The following ZNF345 variants were observed in gnomAD, a reference collection of about 807,000 sequenced individuals.
ZNF345 encodes zinc finger protein HZF10.
For synonymous variants in ZNF345, 166 were observed against 187.9 expected (o/e 0.88, Z 0.95); for missense variants, 527 against 589.9 (o/e 0.89, Z 1.10).
chr19:36,876,183 C>CA (rs1338454590), intron 2 of ZNF345, among the ~76,000 whole-genome samples: 2 of 152,204 alleles, frequency 1.3e-5, no homozygotes, highest in Non-Finnish European at 2.9e-5. Context: ...ATTCTAACCA[C>CA]AGATGAATCT....
intron 2 of ZNF345, among the ~76,000 whole-genome samples, chr19:36,875,170 T>G (rs777030691): frequency 3.6e-4 from 54 of 152,092 alleles, no homozygotes; most frequent in Non-Finnish European, 5.7e-4. Context: ...CAAACAAATA[T>G]GAAAAATTTA....
In ZNF345 at chr19:36,893,021, T is replaced by G. The variant is rs1022782920; in HGVS notation, c.*22T>G. On this transcript the variant is annotated 3_prime_UTR_variant, in exon 4 of 4. Transcript: ENST00000526123. ...CTAATTATATACACGTTCATAAACA[T>G]ATGCTCACATGCACAGAGTATGATA... 7.9e-5 allele frequency: 32 copies of G among 404,776 alleles called. 1 individual carries two copies. The Admixed American group carries it at 9.6e-4, about 12-fold the overall frequency. The allele number at this position is 404,776 out of a possible 1,614,324, so 25.1% of individuals were successfully genotyped here.
intron 2 of ZNF345, among the ~76,000 whole-genome samples, chr19:36,869,424 A>G (rs1287979934): frequency 6.6e-6 from 1 of 152,152 alleles, no homozygotes; most frequent in Admixed American, 6.5e-5. Context: ...AGGAAGCCCC[A>G]CTGAACTTTG....
Position 36,878,214 on chromosome 19 carries a change from G to A in ZNF345, c.1384G>A (p.Ala462Thr). 3.7e-6 allele frequency: 6 copies of A among 1,613,178 alleles called. No individual in the cohort carries two copies. Among genetic ancestry groups the A allele is most frequent in the Non-Finnish European group, 3.4e-6 (4 of 1,179,748 alleles). ...TTATGAATGTAAGAACTGTGGGAAG[G>A]CTTATGGGAGGGATTCAGAGTTTCA... Reference protein sequence around the residue: ...KLYECKNCGKAYGRDSEFQQH... With the variant: ...KLYECKNCGKTYGRDSEFQQH... Residue 462 changes from alanine (A) to threonine (T), a missense_variant, in exon 3 of 3, where the codon GCT (alanine) becomes ACT (threonine). Transcript: ENST00000420450.
Position 36,877,698 on chromosome 19 carries a change from G to A in ZNF345, c.868G>A (p.Glu290Lys), listed in dbSNP as rs1426214767. Reference sequence around the variant, plus strand: ...TGGTGAGAAACCTTATGTATGTAAGGAATGTGGGAAGGCTTTTAATAGTGG... The same window carrying A: ...TGGTGAGAAACCTTATGTATGTAAGAAATGTGGGAAGGCTTTTAATAGTGG... ...HTGEKPYVCKECGKAFNSGSD... is the reference protein window; with the variant it reads ...HTGEKPYVCKKCGKAFNSGSD... The change falls in exon 3 of 3, where the codon GAA becomes AAA. Residue 290 changes from glutamate to lysine, a missense_variant. Transcript: ENST00000420450. 3.7e-6 allele frequency: 6 copies of A among 1,614,024 alleles called. No individual in the cohort carries two copies. The highest frequency in any genetic ancestry group is 5.1e-6 in the Non-Finnish European group (6 of 1,180,022).
intron 2 of ZNF345, among the ~76,000 whole-genome samples, chr19:36,873,900 A>G (rs548783814): frequency 3.3e-5 from 5 of 151,938 alleles, no homozygotes; most frequent in Non-Finnish European, 5.9e-5. Flanking sequence ...GGTTATTTTC[A>G]TGTCTTGGCT....
chr19:36,859,934 T>A (rs2146142432), intron 2 of ZNF345, among the ~76,000 whole-genome samples: 1 of 151,996 alleles, frequency 6.6e-6, no homozygotes, highest in South Asian at 2.1e-4. Flanking sequence ...CTGTACCATT[T>A]AAGACTAAGT....
chr19:36,885,212 T>C (rs990321219), intron 3 of ZNF345, among the ~76,000 whole-genome samples: 1 of 151,884 alleles, frequency 6.6e-6, no homozygotes, highest in South Asian at 2.1e-4. Flanking sequence ...ATAACTATTA[T>C]ATAGTTATAT....
Position 36,877,253 on chromosome 19 carries a change from T to C in ZNF345, c.423T>C (p.Thr141=). The change falls in exon 3 of 3, where the codon ACT becomes ACC. Residue 141 remains threonine, a synonymous_variant. Coordinates refer to ENST00000420450, the MANE Select transcript of ZNF345 (RefSeq NM_001242472.2). ...SNLTHHQRIH[T]GEKPYECKEC... is the part of the protein sequence containing the mutation. ...TTACTCACCATCAGAGAATTCATAC[T>C]GGTGAGAAACCCTATGAGTGTAAGG... is the stretch of plus-strand genomic sequence containing the variant. The C allele has an allele frequency of 6.2e-7, 1 of 1,614,114 alleles. No individual in the cohort carries two copies. The highest frequency in any genetic ancestry group is 8.5e-7 in the Non-Finnish European group (1 of 1,179,988).
intron 2 of ZNF345, among the ~76,000 whole-genome samples, chr19:36,868,592 G>A (rs1300321782): frequency 1.3e-5 from 2 of 150,428 alleles, no homozygotes; most frequent in Non-Finnish European, 2.9e-5. Context: ...TATGATTTTG[G>A]GTACCCATTG....
chr19:36,893,030 A>G (rs2073076227), exon 4 of ZNF345: 1 of 403,610 alleles, frequency 2.5e-6, no homozygotes, highest in Admixed American at 4.4e-5. Context: ...ATATGCTCAC[A>G]TGCACAGAGT....
At chr19:36,852,367 C>T (rs866936286) in intron 2 of ZNF345, among the ~76,000 whole-genome samples, 1 of 152,090 alleles carries the variant, frequency 6.6e-6, no homozygotes. Flanking sequence ...AATCCCAGCA[C>T]TTTGGGGGGC....
At chr19:36,881,019 A>G (rs541755155), downstream of ZNF345, among the ~76,000 whole-genome samples, 1 of 152,192 alleles carries the variant, frequency 6.6e-6, no homozygotes, top group African/African-American at 2.4e-5. Context: ...GGAGGGAAAA[A>G]TAATTTTAGA....
chr19:36,877,208 CT>C lies in ZNF345; in HGVS notation c.381del (p.Phe127LeufsTer79), dbSNP rs1435416707. 2.5e-6 allele frequency: 4 copies of C among 1,613,402 alleles called. No individual in the cohort carries two copies. Among genetic ancestry groups the C allele is most frequent in the Non-Finnish European group, 8.5e-7 (1 of 1,179,790 alleles). The part of the protein sequence containing the change: ...PFECKECGKA[F>X]GSGSNLTHHQ... The stretch of plus-strand genomic sequence containing the variant: ...TTGAATGTAAAGAATGTGGGAAGGC[CT>C]TTGGTAGTGGCTCAAACCTTACTCA... On this transcript the variant is annotated frameshift_variant, in exon 3 of 3. Transcript: ENST00000420450. LOFTEE classifies it low-confidence loss of function (END_TRUNC).
intron 2 of ZNF345, among the ~76,000 whole-genome samples, chr19:36,866,977 C>T (rs2072673586): frequency 6.6e-6 from 1 of 152,150 alleles, no homozygotes; most frequent in African/African-American, 2.4e-5. Flanking sequence ...CAGCATTTTA[C>T]TCTTAATAAA....
rs534859247 is a variant in ZNF345, at chr19:36,877,977, T to C, written c.1147T>C (p.Ser383Pro). The C allele has an allele frequency of 7.4e-6, 12 of 1,614,044 alleles. No homozygotes were observed. The African/African-American group carries it at 9.3e-5, about 13-fold the overall frequency. The change falls in exon 3 of 3, where the codon TCA becomes CCA. Residue 383 changes from serine (S) to proline (P), a missense_variant. Physicochemically the swap from Ser to Pro is moderately conservative, Grantham distance 74. Transcript: ENST00000420450. ...ATGTGGGAAGGCCTTTGGTAGTGGC[T>C]CAAAACTTATCCAACACCAGCTAAT... ...KECGKAFGSG[S>P]KLIQHQLIHT...
At chr19:36,866,697 C>T (rs956460843) in intron 2 of ZNF345, among the ~76,000 whole-genome samples, 2 of 152,072 alleles carry the variant, frequency 1.3e-5, no homozygotes, top group African/African-American at 4.8e-5. Context: ...TACAGGCGTG[C>T]ACCACCAAGC....
chr19:36,884,993 G>A (rs891229941), intron 3 of ZNF345, among the ~76,000 whole-genome samples: 2 of 152,068 alleles, frequency 1.3e-5, no homozygotes, highest in African/African-American at 4.8e-5. Flanking sequence ...TCTATTGGCA[G>A]TATACTTCAG....
At chr19:36,871,123 C>T (rs1004376132) in intron 2 of ZNF345, among the ~76,000 whole-genome samples, 2 of 152,178 alleles carry the variant, frequency 1.3e-5, no homozygotes, top group African/African-American at 4.8e-5. Flanking sequence ...CTGGTAAGGA[C>T]CTGCTTTCTG....
Sources: gnomAD v4.1 joint callset for allele counts (sites outside exome capture counted in the v4.1 genomes callset) on GRCh38, gnomAD v4.1.1 for gene constraint, MANE v1.5 for transcripts, NCBI Gene and HGNC (gene_info 2026-07-23, HGNC 2026-07-21) for gene names.